The following HSD17B4 variants were observed in gnomAD, a reference collection of about 807,000 sequenced individuals.
The protein encoded by HSD17B4 is peroxisomal multifunctional enzyme type 2.
In HSD17B4, 70 loss-of-function variants were observed where a neutral mutation model predicts 101.0. The ratio of observed to expected loss-of-function variants is 0.69; its 90% confidence interval spans 0.57 to 0.85. The LOEUF is 0.85. HSD17B4 is among the 40% of genes least tolerant of loss of function. The pLI is 0.00. For missense variants in HSD17B4, 984 were observed against 892.4 expected, an observed-to-expected ratio of 1.10 and a Z score of -1.31; for synonymous variants, 347 against 297.1, an observed-to-expected ratio of 1.17 and a Z score of -1.73.
chr5:119,503,174 C>T lies in HSD17B4; in HGVS notation c.1261+1082C>T, dbSNP rs1431788630. On this transcript the variant is annotated intron_variant, in intron 14 of 23. Transcript: ENST00000510025. ...TGTTGGTGACAGTGGCTAGGAAGCT[C>T]CTTACATGTTTCATATGTACCCAGC... is the stretch of plus-strand genomic sequence containing the variant. Among the ~76,000 whole-genome samples, 5 of 150,548 alleles carry T rather than the reference C, an allele frequency of 3.3e-5. No individual in the cohort carries two copies. In the East Asian group the frequency reaches 9.9e-4, roughly 30 times the overall value.
At chr5:119,475,677 G>C in intron 4 of HSD17B4, 29 bp from the exon 5 acceptor site, 1 of 1,559,856 alleles carries the variant, frequency 6.4e-7, no homozygotes, top group Non-Finnish European at 8.8e-7. Context: ...CTTGCTTTTA[G>C]ATGTAACTTG....
chr5:119,489,646 T>C (rs1202354980), intron 9 of HSD17B4, among the ~76,000 whole-genome samples: 1 of 152,122 alleles, frequency 6.6e-6, no homozygotes, highest in East Asian at 1.9e-4. Context: ...GATTTGACCT[T>C]CGTGAGCTTT....
chr5:119,507,194 G>A (rs1267909411), intron 15 of HSD17B4, among the ~76,000 whole-genome samples: 1 of 152,178 alleles, frequency 6.6e-6, no homozygotes, highest in African/African-American at 2.4e-5. Context: ...GCTGGAGTAT[G>A]TTTTTGGCAG....
intron 2 of HSD17B4, among the ~76,000 whole-genome samples, chr5:119,462,786 T>A (rs1755397452): frequency 6.6e-6 from 1 of 152,188 alleles, no homozygotes; most frequent in African/African-American, 2.4e-5. Context: ...CTTTATACAG[T>A]GTGTAATGAT....
chr5:119,505,812 G>C (rs781732738), intron 14 of HSD17B4, among the ~76,000 whole-genome samples: 7 of 151,860 alleles, frequency 4.6e-5, no homozygotes, highest in African/African-American at 4.8e-5. Context: ...ATTTAAGAAA[G>C]AATGGGGTAA....
intron 15 of HSD17B4, among the ~76,000 whole-genome samples, chr5:119,508,928 A>T (rs1277310099): frequency 6.6e-6 from 1 of 152,182 alleles, no homozygotes; most frequent in Non-Finnish European, 1.5e-5. Context: ...GGATTTTTGA[A>T]GCTCCTCTTC....
chr5:119,455,007 A>G (rs1201425412), intron 1 of HSD17B4, among the ~76,000 whole-genome samples: 1 of 152,248 alleles, frequency 6.6e-6, no homozygotes, highest in Non-Finnish European at 1.5e-5. Context: ...CTAAATATAA[A>G]TTGTTAATTA....
intron 2 of HSD17B4, among the ~76,000 whole-genome samples, chr5:119,461,136 A>G (rs189235588): frequency 6.6e-6 from 1 of 152,316 alleles, no homozygotes; most frequent in Non-Finnish European, 1.5e-5. Context: ...AATAGTCATC[A>G]AGTAATATTG....
At chr5:119,537,234 A>T (rs978223960) in intron 23 of HSD17B4, among the ~76,000 whole-genome samples, 9 of 152,126 alleles carry the variant, frequency 5.9e-5, no homozygotes, top group Non-Finnish European at 1.3e-4. Context: ...GAAATATATG[A>T]TTTTCCTGTA....
At position 119,525,898 on chromosome 5, in the gene HSD17B4, G is replaced by C. The variant is rs371700181; in HGVS notation, c.1574-19G>C. 2.1e-6 allele frequency: 3 copies of C among 1,402,446 alleles called. No individual in the cohort carries two copies. Among genetic ancestry groups the C allele is most frequent in the Non-Finnish European group, 3.0e-6 (3 of 987,264 alleles). The allele number at this position is 1,402,446 out of a possible 1,614,324, so 86.9% of individuals were successfully genotyped here. A position where few individuals can be genotyped will look rare whatever the true frequency, so the allele number is the denominator to read the frequency against. On this transcript the variant is annotated intron_variant, in intron 18 of 23. Coordinates refer to ENST00000510025, the MANE Select transcript of HSD17B4 (RefSeq NM_000414.4). The stretch of plus-strand genomic sequence containing the variant: ...TTTAAAGGTACCTGTATCTAACTCA[G>C]TGTTCTCTCTTTTCCTAGGTTTTGA...
At chr5:119,482,329 C>T (rs923348202) in intron 8 of HSD17B4, among the ~76,000 whole-genome samples, 1 of 151,972 alleles carries the variant, frequency 6.6e-6, no homozygotes, top group African/African-American at 2.4e-5. Context: ...TTTTATCTCT[C>T]TGCTTAAAGT....
intron 22 of HSD17B4, among the ~76,000 whole-genome samples, chr5:119,534,098 C>G (rs1435645888): frequency 6.6e-6 from 1 of 151,862 alleles, no homozygotes; most frequent in Non-Finnish European, 1.5e-5. Flanking sequence ...GTTTTGTTTT[C>G]TTTAGGATGA....
intron 14 of HSD17B4, among the ~76,000 whole-genome samples, chr5:119,505,075 C>T (rs1751523529): frequency 6.6e-6 from 1 of 152,072 alleles, no homozygotes; most frequent in Non-Finnish European, 1.5e-5. Context: ...TGTGGGTTTA[C>T]TTCTGGGTTC....
intron 17 of HSD17B4, among the ~76,000 whole-genome samples, chr5:119,516,985 C>T (rs1018742977): frequency 2.6e-5 from 4 of 152,256 alleles, no homozygotes; most frequent in African/African-American, 9.6e-5. Context: ...CCTCCTCTGC[C>T]TGGGCTCCCA....
chr5:119,507,350 A>G (rs1425914259), intron 15 of HSD17B4, among the ~76,000 whole-genome samples: 2 of 152,220 alleles, frequency 1.3e-5, no homozygotes, highest in Non-Finnish European at 2.9e-5. Context: ...GTGCTTTTAT[A>G]AGTTTCTAGA....
chr5:119,525,181 A>G, intron 17 of HSD17B4, 35 bp from the exon 18 acceptor site: 2 of 1,463,568 alleles, frequency 1.4e-6, no homozygotes, highest in South Asian at 1.1e-5. Context: ...CTAACAAAAC[A>G]CTGAGTTCTA....
chr5:119,479,594 T>G (rs958417997), intron 8 of HSD17B4, among the ~76,000 whole-genome samples: 1 of 152,184 alleles, frequency 6.6e-6, no homozygotes, highest in African/African-American at 2.4e-5. Flanking sequence ...GCAGAATGGT[T>G]TTACTGCCCT....
chr5:119,525,858 A>G, intron 18 of HSD17B4, 59 bp from the exon 19 acceptor site: 2 of 959,740 alleles, frequency 2.1e-6, no homozygotes, highest in South Asian at 1.3e-5. Context: ...AATTAACTAC[A>G]CTTGATTTTT....
rs565172018 is a variant in HSD17B4 at position 119,514,068 on chromosome 5, G to A, written c.1438-913G>A. Among the ~76,000 whole-genome samples the A allele has an allele frequency of 4.6e-4, 70 of 152,230 alleles. 3 individuals carry two copies. In the South Asian group the frequency reaches 0.014, roughly 30 times the overall value. On this transcript the variant is annotated intron_variant, in intron 16 of 23. Transcript: ENST00000510025. ...CCTCCAAAACCTAGTAGAATGCATTGAAAATGAATTTGTAAATAAAACCTG... is the reference window on the plus strand; with the variant it reads ...CCTCCAAAACCTAGTAGAATGCATTAAAAATGAATTTGTAAATAAAACCTG...
Sources: gnomAD v4.1 joint callset for allele counts (sites outside exome capture counted in the v4.1 genomes callset) on GRCh38, gnomAD v4.1.1 for gene constraint, MANE v1.5 for transcripts, NCBI Gene and HGNC (gene_info 2026-07-23, HGNC 2026-07-21) for gene names.